Variants in HMGCLL1 observed in about 807,000 individuals in gnomAD.
HMGCLL1 encodes 3-hydroxy-3-methylglutaryl-CoA lyase like 1, also known as 3-hydroxymethyl-3-methylglutaryl-CoA lyase, cytoplasmic.
Under a neutral mutation model 39.1 loss-of-function variants are expected in HMGCLL1, and 36 were observed. The observed-to-expected ratio is 0.92, with a 90% CI of 0.71 to 1.22. HMGCLL1 has a LOEUF of 1.22. HMGCLL1 is among the 50% of genes most tolerant of loss of function. The pLI is 0.00. For missense variants in HMGCLL1, 451 were observed against 416.5 expected, an observed-to-expected ratio of 1.08 and a Z score of -0.72; for synonymous variants, 149 against 144.0, an observed-to-expected ratio of 1.03 and a Z score of -0.25.
At chr6:55,675,882 AAC>A in the HMGCLL1 span, among the ~76,000 whole-genome samples, 1 of 152,238 alleles carries the variant, frequency 6.6e-6, no homozygotes, top group African/African-American at 2.4e-5. Context: ...TTCTTATTAT[AAC>A]ACAAAATAAA....
At chr6:55,597,369 A>G in the HMGCLL1 span, among the ~76,000 whole-genome samples, 2 of 152,052 alleles carry the variant, frequency 1.3e-5, no homozygotes, top group East Asian at 3.9e-4. Context: ...GTTAGATGTG[A>G]TTTATAGACG....
chr6:55,643,329 A>G, the HMGCLL1 span, among the ~76,000 whole-genome samples: 1 of 152,132 alleles, frequency 6.6e-6, no homozygotes, highest in Non-Finnish European at 1.5e-5. Flanking sequence ...AATAATAGCT[A>G]TTCTGACTGG....
rs746330524 is a variant in HMGCLL1 at position 55,495,428 on chromosome 6, C to A, written c.786G>T (p.Thr262=). ...AAAGAGTACAAAATACCTGAAGGGC[C>A]GTAAGGATATTTGCTAAGGCTTGTC... The part of the protein sequence containing the change: ...TYGQALANIL[T]ALQMGINVVD... Residue 262 remains threonine (T), a synonymous_variant, in exon 7 of 9, where the codon ACG becomes ACT. Transcript: ENST00000274901. The A allele has an allele frequency of 2.7e-5, 44 of 1,613,114 alleles. No homozygotes were observed. The highest frequency in any genetic ancestry group is 1.3e-4 in the East Asian group (6 of 44,846).
intron 7 of HMGCLL1, among the ~76,000 whole-genome samples, chr6:55,466,436 A>G (rs536593809): frequency 6.6e-6 from 1 of 152,028 alleles, no homozygotes; most frequent in Non-Finnish European, 1.5e-5. Flanking sequence ...ATCTGCAATG[A>G]CCTTTATGCT....
intron 3 of HMGCLL1, among the ~76,000 whole-genome samples, chr6:55,533,030 T>C (rs932014030): frequency 6.6e-6 from 1 of 151,332 alleles, no homozygotes; most frequent in African/African-American, 2.4e-5. Flanking sequence ...GCATTTCAAC[T>C]TAATCCCTAC....
At chr6:55,573,786 G>C (rs1388622074) in intron 1 of HMGCLL1, among the ~76,000 whole-genome samples, 1 of 152,012 alleles carries the variant, frequency 6.6e-6, no homozygotes, top group Non-Finnish European at 1.5e-5. Context: ...AGCAAAAATG[G>C]TTGAAAAGCT....
the HMGCLL1 span, among the ~76,000 whole-genome samples, chr6:55,664,252 A>G: frequency 0.35 from 52,962 of 151,528 alleles, 9,621 homozygotes; most frequent in African/African-American, 0.44. Context: ...GTTTGTGTGA[A>G]TGCTTCATAG....
chr6:55,542,112 T>C lies in HMGCLL1; in HGVS notation c.137A>G (p.Glu46Gly). The change falls in exon 2 of 9, where the codon GAG (glutamate) becomes GGG (glycine). Residue 46 changes from glutamate to glycine, a missense_variant. Glu to Gly is a moderately conservative substitution (Grantham distance 98). Transcript: ENST00000274901. Reference protein sequence around the residue: ...QETSQLSGLPEFVKIVEVGPR... With the variant: ...QETSQLSGLPGFVKIVEVGPR... The stretch of plus-strand genomic sequence containing the variant: ...CCCAACTTCTACTATTTTAACAAAC[T>C]CAGGGAGTCCAGATAACTGGGATGT... 1 of 1,610,732 alleles carries C rather than the reference T, an allele frequency of 6.2e-7. No individual in the cohort carries two copies. Among genetic ancestry groups the C allele is most frequent in the South Asian group, 1.1e-5 (1 of 90,778 alleles).
At chr6:55,438,826 G>A (rs1009008687) in intron 8 of HMGCLL1, among the ~76,000 whole-genome samples, 8 of 151,728 alleles carry the variant, frequency 5.3e-5, no homozygotes, top group East Asian at 1.9e-4. Flanking sequence ...TAAATAAATC[G>A]GTTCTATAGA....
At chr6:55,497,280 C>A (rs1297231987) in intron 6 of HMGCLL1, among the ~76,000 whole-genome samples, 8 of 151,820 alleles carry the variant, frequency 5.3e-5, no homozygotes, top group African/African-American at 1.9e-4. Flanking sequence ...CAACAAAACA[C>A]CTTCTTTTAG....
At chr6:55,440,972 AT>A (rs2069952501) in intron 7 of HMGCLL1, among the ~76,000 whole-genome samples, 1 of 152,144 alleles carries the variant, frequency 6.6e-6, no homozygotes, top group Non-Finnish European at 1.5e-5. Context: ...AGTTTTCTCT[AT>A]GGTTAACATC....
chr6:55,638,960 GC>G, the HMGCLL1 span, among the ~76,000 whole-genome samples: 11 of 152,146 alleles, frequency 7.2e-5, no homozygotes, highest in African/African-American at 2.6e-4. Context: ...CCTAGCAGCA[GC>G]CCAGGCAAAC....
intron 3 of HMGCLL1, 98 bp from the exon 4 acceptor site, chr6:55,516,701 A>G (rs1767760155): frequency 3.0e-6 from 2 of 666,590 alleles, no homozygotes; most frequent in Non-Finnish European, 5.0e-6. Context: ...GGACAGTTAG[A>G]GTCTTTAAAT....
intron 3 of HMGCLL1, among the ~76,000 whole-genome samples, chr6:55,524,234 A>G (rs918568901): frequency 2.0e-4 from 31 of 151,994 alleles, no homozygotes; most frequent in Middle Eastern, 3.4e-3. Context: ...TGACCTTAGA[A>G]AGAGACGAAC....
Position 55,435,485 on chromosome 6 carries a change from CTGAT to C in HMGCLL1, c.*173_*176del. On this transcript the variant is annotated 3_prime_UTR_variant, in exon 9 of 9. Coordinates refer to ENST00000274901, the MANE Select transcript of HMGCLL1 (RefSeq NM_001042406.2). ...CCTCAGCTTGCAATTTACCTGATGACTGATATTGCATTTTGTTGACTTAATCTAT... is the reference window on the plus strand; with the variant it reads ...CCTCAGCTTGCAATTTACCTGATGACATTGCATTTTGTTGACTTAATCTAT... 1 of 390,934 alleles carries C rather than the reference CTGAT, an allele frequency of 2.6e-6. No homozygotes were observed. Among genetic ancestry groups the C allele is most frequent in the East Asian group, 3.7e-5 (1 of 27,082 alleles). The allele number at this position is 390,934 out of a possible 1,614,324, so 24.2% of individuals were successfully genotyped here.
chr6:55,491,899 C>G (rs1057204218), intron 7 of HMGCLL1, among the ~76,000 whole-genome samples: 1 of 151,856 alleles, frequency 6.6e-6, no homozygotes, highest in Non-Finnish European at 1.5e-5. Context: ...ACAACAATCT[C>G]TGGTCCCATA....
the HMGCLL1 span, among the ~76,000 whole-genome samples, chr6:55,661,687 C>T: frequency 6.6e-6 from 1 of 151,768 alleles, no homozygotes; most frequent in African/African-American, 2.4e-5. Context: ...ATTGCCTTGG[C>T]TATTTGGACT....
chr6:55,656,343 T>C, the HMGCLL1 span, among the ~76,000 whole-genome samples: 1 of 151,982 alleles, frequency 6.6e-6, no homozygotes, highest in Non-Finnish European at 1.5e-5. Flanking sequence ...TAGGAAACAA[T>C]TGTGAGAAGA....
chr6:55,456,133 T>C (rs189987988), intron 7 of HMGCLL1, among the ~76,000 whole-genome samples: 26 of 152,172 alleles, frequency 1.7e-4, no homozygotes, highest in African/African-American at 4.8e-4. Context: ...CCAGTGCTAA[T>C]AGCCAAGAAA....
Sources: gnomAD v4.1 joint callset for allele counts (sites outside exome capture counted in the v4.1 genomes callset) on GRCh38, gnomAD v4.1.1 for gene constraint, MANE v1.5 for transcripts, NCBI Gene and HGNC (gene_info 2026-07-23, HGNC 2026-07-21) for gene names.